PDE4B: variants seen among roughly 807,000 people sequenced by gnomAD.
The protein encoded by PDE4B is phosphodiesterase 4B, also known as 3',5'-cyclic-AMP phosphodiesterase 4B.
PDE4B carries 20 observed loss-of-function variants against 82.2 expected under a neutral mutation model. That is an observed-to-expected ratio of 0.24 (90% CI 0.17 to 0.35). The LOEUF is 0.35. Ranked by LOEUF, PDE4B falls within the 10% of genes least tolerant of loss-of-function variation. The pLI is 1.00. For synonymous variants in PDE4B, 320 were observed against 318.9 expected (o/e 1.00, Z -0.04); for missense variants, 655 against 907.2 (o/e 0.72, Z 3.57).
chr1:65,816,376 T>C lies in PDE4B; in HGVS notation c.-71+23128T>C, dbSNP rs139178792. 3.4e-3 allele frequency among the ~76,000 whole-genome samples: 524 copies of C among 152,292 alleles called. 3 individuals are homozygous for C. The highest frequency in any genetic ancestry group is 0.012 in the African/African-American group (507 of 41,552). ...GTGCAACTTAAAGCAAGGTTGCTGC[T>C]ACCGAATTGATAATTCATAAAAGGT... On this transcript the variant is annotated intron_variant, in intron 1 of 16. Transcript: ENST00000341517.
intron 9 of PDE4B, chr1:66,360,426 A>ATGAGTCACATGT (rs1553176119): frequency 6.6e-6 from 1 of 152,180 alleles, no homozygotes; most frequent in African/African-American, 2.4e-5. Context: ...TGACTGTGCC[A>ATGAGTCACATGT]TTATCTGCAA....
chr1:66,148,776 T>A (rs1239435985), intron 3 of PDE4B, among the ~76,000 whole-genome samples: 1 of 152,242 alleles, frequency 6.6e-6, no homozygotes, highest in East Asian at 1.9e-4. Flanking sequence ...TCTTTTGTGA[T>A]TGACTTCTTT....
At chr1:66,108,075 T>G (rs1200046627) in intron 3 of PDE4B, among the ~76,000 whole-genome samples, 2 of 151,982 alleles carry the variant, frequency 1.3e-5, no homozygotes, top group Non-Finnish European at 2.9e-5. Flanking sequence ...AGTGAGAATA[T>G]TTAAAGTCTA....
At chr1:66,359,272 T>C (rs925110710) in intron 9 of PDE4B, among the ~76,000 whole-genome samples, 2 of 152,234 alleles carry the variant, frequency 1.3e-5, no homozygotes, top group Admixed American at 1.3e-4. Context: ...AATTATGCCA[T>C]TAACAGAATT....
At chr1:66,310,377 G>T (rs1482266408) in intron 7 of PDE4B, among the ~76,000 whole-genome samples, 1 of 152,136 alleles carries the variant, frequency 6.6e-6, no homozygotes, top group East Asian at 1.9e-4. Flanking sequence ...GCCCTCAGGA[G>T]GTGGCTTCAC....
At chr1:65,940,282 G>A (rs556905151) in intron 3 of PDE4B, among the ~76,000 whole-genome samples, 39 of 152,170 alleles carry the variant, frequency 2.6e-4, no homozygotes, top group Middle Eastern at 3.4e-3. Flanking sequence ...GAGAAAAAAG[G>A]CCGGGGTGAA....
chr1:65,945,780 G>A (rs1018991554), intron 3 of PDE4B, among the ~76,000 whole-genome samples: 1 of 151,952 alleles, frequency 6.6e-6, no homozygotes, highest in African/African-American at 2.4e-5. Context: ...GGTTCTGTAG[G>A]ATTCTTCTGC....
intron 3 of PDE4B, among the ~76,000 whole-genome samples, chr1:66,041,881 G>T (rs987413038): frequency 1.3e-5 from 2 of 150,538 alleles, no homozygotes; most frequent in Non-Finnish European, 3.0e-5. Flanking sequence ...CATAATGTCT[G>T]GCTTAGTAGG....
At chr1:66,209,839 T>C (rs1009056607) in intron 3 of PDE4B, among the ~76,000 whole-genome samples, 5 of 152,244 alleles carry the variant, frequency 3.3e-5, no homozygotes, top group African/African-American at 1.2e-4. Flanking sequence ...TTCATACATG[T>C]TGTTGCCTAT....
chr1:66,279,540 G>A (rs779401355), intron 7 of PDE4B, among the ~76,000 whole-genome samples: 16 of 152,036 alleles, frequency 1.1e-4, no homozygotes, highest in African/African-American at 2.7e-4. Context: ...CAAGAGAATC[G>A]CTTGAACTCG....
intron 3 of PDE4B, among the ~76,000 whole-genome samples, chr1:66,081,832 C>CTCTCTGTG (rs1280680569): frequency 2.3e-4 from 29 of 125,116 alleles, no homozygotes; most frequent in African/African-American, 3.0e-4. Flanking sequence ...CTCTCTCTCT[C>CTCTCTGTG]TGTGTGTGTG....
At chr1:66,202,488 C>T (rs1448978438) in intron 3 of PDE4B, among the ~76,000 whole-genome samples, 1 of 152,068 alleles carries the variant, frequency 6.6e-6, no homozygotes, top group African/African-American at 2.4e-5. Context: ...GTCTAAGTCT[C>T]TTTGTAGGTC....
At chr1:66,264,658 A>G (rs1209890108) in intron 6 of PDE4B, among the ~76,000 whole-genome samples, 1 of 152,212 alleles carries the variant, frequency 6.6e-6, no homozygotes, top group East Asian at 1.9e-4. Flanking sequence ...GACCCTGTCT[A>G]TAGACTACGG....
At chr1:66,133,116 A>G (rs1316409246) in intron 3 of PDE4B, among the ~76,000 whole-genome samples, 4 of 152,214 alleles carry the variant, frequency 2.6e-5, no homozygotes, top group African/African-American at 9.6e-5. Flanking sequence ...TGAAAAAAAT[A>G]GGAGGAAGAG....
At chr1:65,890,071 A>G (rs997154246) in intron 1 of PDE4B, among the ~76,000 whole-genome samples, 1 of 152,126 alleles carries the variant, frequency 6.6e-6, no homozygotes, top group Non-Finnish European at 1.5e-5. Flanking sequence ...TGAGAAATTT[A>G]GAACTGCTAG....
intron 1 of PDE4B, among the ~76,000 whole-genome samples, chr1:65,881,560 A>G (rs1290465091): frequency 6.6e-6 from 1 of 152,098 alleles, no homozygotes; most frequent in African/African-American, 2.4e-5. Context: ...TACAAACACC[A>G]TTTCTTTAAA....
chr1:66,136,697 C>CAAAA (rs5774802), intron 3 of PDE4B, among the ~76,000 whole-genome samples: 105 of 61,430 alleles, frequency 1.7e-3, no homozygotes, highest in African/African-American at 1.9e-3. Flanking sequence ...GACTCCCTCT[C>CAAAA]AAAAAAAAAA....
intron 3 of PDE4B, among the ~76,000 whole-genome samples, chr1:66,206,317 A>G (rs112118275): frequency 0.01 from 1,557 of 152,292 alleles, 25 homozygotes; most frequent in African/African-American, 0.036. Flanking sequence ...GTGTCCCTGA[A>G]CGTTCAGCAA....
At chr1:66,252,220 T>C (rs565253568) in intron 4 of PDE4B, among the ~76,000 whole-genome samples, 1 of 152,224 alleles carries the variant, frequency 6.6e-6, no homozygotes, top group South Asian at 2.1e-4. Context: ...TCTTACTACA[T>C]GAAATAATGT....
Sources: gnomAD v4.1 joint callset for allele counts (sites outside exome capture counted in the v4.1 genomes callset) on GRCh38, gnomAD v4.1.1 for gene constraint, MANE v1.5 for transcripts, NCBI Gene and HGNC (gene_info 2026-07-23, HGNC 2026-07-21) for gene names.